Variants in OTUD4 observed in about 807,000 individuals in gnomAD.
The protein encoded by OTUD4 is OTU deubiquitinase 4.
In OTUD4, 24 loss-of-function variants were observed where a neutral mutation model predicts 130.4. The observed-to-expected ratio is 0.18, with a 90% CI of 0.13 to 0.26. The LOEUF (loss-of-function observed/expected upper bound fraction) is 0.26. OTUD4 is among the 10% of genes least tolerant of loss of function. The pLI, the probability that OTUD4 is intolerant of heterozygous loss-of-function variation, is 1.00. For missense variants in OTUD4, 1,031 were observed against 1,329.4 expected (o/e 0.78, Z 3.49); for synonymous variants, 420 against 472.5 (o/e 0.89, Z 1.44).
At chr4:145,166,811 C>T (rs1170260408) in intron 3 of OTUD4, among the ~76,000 whole-genome samples, 1 of 152,160 alleles carries the variant, frequency 6.6e-6, no homozygotes, top group Non-Finnish European at 1.5e-5. Flanking sequence ...TGCACTCCAG[C>T]CTGGGAGACA....
intron 1 of OTUD4, among the ~76,000 whole-genome samples, chr4:145,177,153 C>T (rs1752466821): frequency 1.3e-5 from 2 of 152,188 alleles, no homozygotes; most frequent in Admixed American, 6.5e-5. Flanking sequence ...AGGTATTACT[C>T]GTATGAATAA....
Position 145,155,420 on chromosome 4 carries a change from G to A in OTUD4, c.864C>T (p.Asp288=), listed in dbSNP as rs748046528. ...IAAGLQYEVG[D]KCQVRLDHNG... is the part of the protein sequence containing the mutation. ...TACATAAGTCACTTACTTGACATTTGTCTCCAACTTCATATTGTAAGCCAG... is the reference window on the plus strand; with the variant it reads ...TACATAAGTCACTTACTTGACATTTATCTCCAACTTCATATTGTAAGCCAG... The change falls in exon 10 of 21, where the codon GAC becomes GAT. Residue 288 remains aspartate, a synonymous_variant. Transcript: ENST00000447906. 5 of 1,607,998 alleles carry A rather than the reference G, an allele frequency of 3.1e-6. No individual in the cohort carries two copies. The highest frequency in any genetic ancestry group is 2.2e-5 in the East Asian group (1 of 44,740).
intron 14 of OTUD4, among the ~76,000 whole-genome samples, chr4:145,145,908 T>C (rs1243517539): frequency 6.6e-6 from 1 of 152,210 alleles, no homozygotes; most frequent in Non-Finnish European, 1.5e-5. Context: ...TCAAAAGGGC[T>C]TCCTGATTTT....
chr4:145,134,074 C>T lies in OTUD4; in HGVS notation c.*3356G>A, dbSNP rs915847863. On this transcript the variant is annotated 3_prime_UTR_variant, in exon 21 of 21. Coordinates refer to ENST00000447906, the MANE Select transcript of OTUD4 (RefSeq NM_001366057.1). ...GCTTCCCAGCATTAAGACATGCACC[C>T]ACCCCTCTTCTAAGATTTTCTAAAA... 6.6e-6 allele frequency: 1 copy of T among 152,610 alleles called. No individual in the cohort carries two copies. The highest frequency in any genetic ancestry group is 2.4e-5 in the African/African-American group (1 of 41,422). 9.5% of individuals were successfully genotyped at this position (152,610 alleles called of 1,614,324 possible).
intron 3 of OTUD4, among the ~76,000 whole-genome samples, chr4:145,167,139 T>G (rs1221268493): frequency 2.6e-5 from 4 of 152,162 alleles, no homozygotes; most frequent in Non-Finnish European, 4.4e-5. Context: ...ATTTTAAAAC[T>G]TTTACCGTAA....
In OTUD4 at chr4:145,139,943, G is replaced by T. The variant is rs1479796747; in HGVS notation, c.2124+8C>A. ...AAAATAACTTTTAAGATGATAAAAT[G>T]TAAATACCTTCACACCAAGATTGAA... is the stretch of plus-strand genomic sequence containing the variant. On this transcript the variant is annotated splice_region_variant and intron_variant, in intron 20 of 20. Coordinates refer to ENST00000447906, the MANE Select transcript of OTUD4 (RefSeq NM_001366057.1). 2 of 786,010 alleles carry T rather than the reference G, an allele frequency of 2.5e-6. No individual in the cohort carries two copies. The highest frequency in any genetic ancestry group is 4.0e-6 in the Non-Finnish European group (2 of 494,692). The allele number at this position is 786,010 out of a possible 1,614,324, so 48.7% of individuals were successfully genotyped here.
chr4:145,138,394 AGAG>A lies in OTUD4; in HGVS notation c.2378_2380del (p.Pro793del). 6.2e-7 allele frequency: 1 copy of A among 1,614,220 alleles called. No homozygotes were observed. The highest frequency in any genetic ancestry group is 8.5e-7 in the Non-Finnish European group (1 of 1,180,032). On this transcript the variant is annotated inframe_deletion, in exon 21 of 21. Transcript: ENST00000447906. Reference sequence around the variant, plus strand: ...AGACACCTGAGATGGAGGGATAACCAGAGGTGAAGAAAATGTCGGCGGTCCAAT... The same window carrying A: ...AGACACCTGAGATGGAGGGATAACCAGTGAAGAAAATGTCGGCGGTCCAAT...
In OTUD4 at chr4:145,137,899, C is replaced by T. The variant is rs370328878; in HGVS notation, c.2876G>A (p.Gly959Glu). The T allele has an allele frequency of 1.2e-6, 2 of 1,614,154 alleles. No individual in the cohort carries two copies. The highest frequency in any genetic ancestry group is 1.7e-6 in the Non-Finnish European group (2 of 1,180,040). Reference protein sequence around the residue: ...ALASIPPVAEGKAHPPTQILN... With the variant: ...ALASIPPVAEEKAHPPTQILN... ...AATCTGAGTGGGAGGATGAGCCTTT[C>T]CCTCTGCTACAGGAGGGATGGAAGC... The change falls in exon 21 of 21, where the codon GGA becomes GAA. Residue 959 changes from glycine to glutamate, a missense_variant. By Grantham distance (98) the Gly-to-Glu change is moderately conservative. Coordinates refer to ENST00000447906, the MANE Select transcript of OTUD4 (RefSeq NM_001366057.1).
chr4:145,164,346 A>G, intron 4 of OTUD4, 120 bp from the exon 5 acceptor site: 8 of 459,226 alleles, frequency 1.7e-5, no homozygotes. Context: ...CACTGGAGAT[A>G]CAAAAGACAA....
intron 1 of OTUD4, among the ~76,000 whole-genome samples, chr4:145,176,318 C>T (rs867346573): frequency 8.9e-4 from 135 of 151,740 alleles, no homozygotes; most frequent in African/African-American, 2.9e-3. Context: ...AACTCAGACA[C>T]ACTTAAAGTA....
rs941346218 is a variant in OTUD4, at chr4:145,134,390, A to G, written c.*3040T>C. 3.8e-6 allele frequency: 1 copy of G among 259,828 alleles called. No individual in the cohort carries two copies. Among genetic ancestry groups the G allele is most frequent in the African/African-American group, 2.2e-5 (1 of 45,552 alleles). The allele number at this position is 259,828 out of a possible 1,614,324, so 16.1% of individuals were successfully genotyped here. ...TTTACCTCATCTAAAAATGAAGGTAAAACGAAAGAGGCAAAAATAAATATT... is the reference window on the plus strand; with the variant it reads ...TTTACCTCATCTAAAAATGAAGGTAGAACGAAAGAGGCAAAAATAAATATT... On this transcript the variant is annotated 3_prime_UTR_variant, in exon 21 of 21. Coordinates refer to ENST00000447906, the MANE Select transcript of OTUD4 (RefSeq NM_001366057.1).
intron 3 of OTUD4, among the ~76,000 whole-genome samples, chr4:145,170,558 C>T (rs1200020055): frequency 3.3e-5 from 5 of 152,214 alleles, no homozygotes; most frequent in Non-Finnish European, 5.9e-5. Context: ...CCTCTTGTGA[C>T]AAATCTCCTT....
At chr4:145,154,793 G>T (rs1428306586) in intron 10 of OTUD4, among the ~76,000 whole-genome samples, 3 of 150,650 alleles carry the variant, frequency 2.0e-5, no homozygotes, top group Non-Finnish European at 1.5e-5. Flanking sequence ...CCTCCCAGTT[G>T]TGAGAATAAA....
chr4:145,134,743 T>TG lies in OTUD4; in HGVS notation c.*2686dup. 5.0e-6 allele frequency: 2 copies of TG among 398,874 alleles called. No homozygotes were observed. The highest frequency in any genetic ancestry group is 8.8e-6 in the Non-Finnish European group (2 of 226,006). The allele number at this position is 398,874 out of a possible 1,614,324, so 24.7% of individuals were successfully genotyped here. On this transcript the variant is annotated 3_prime_UTR_variant, in exon 21 of 21. Transcript: ENST00000447906. The stretch of plus-strand genomic sequence containing the variant: ...TGCCAAGGAGACATGGGGCAAGAGT[T>TG]GAAGATTTGAGAGGAAATGAAGAGA...
chr4:145,146,402 ATCC>A lies in OTUD4; in HGVS notation c.1284_1286del (p.Glu428del), dbSNP rs773439735. 1 of 1,571,318 alleles carries A rather than the reference ATCC, an allele frequency of 6.4e-7. No individual in the cohort carries two copies. Among genetic ancestry groups the A allele is most frequent in the South Asian group, 1.2e-5 (1 of 81,436 alleles). On this transcript the variant is annotated inframe_deletion, in exon 14 of 21. Coordinates refer to ENST00000447906, the MANE Select transcript of OTUD4 (RefSeq NM_001366057.1). ...TAGATTCTCGACTTGTGTGATCAAA[ATCC>A]TCAACTCTTTCACGATCAGGTTTTC...
intron 20 of OTUD4, 33 bp from the exon 21 acceptor site, chr4:145,138,683 A>G: frequency 6.4e-7 from 1 of 1,557,718 alleles, no homozygotes. Flanking sequence ...AATAAACAAA[A>G]GAGGAGAAAA....
rs1454149012 is a variant in OTUD4 at position 145,134,104 on chromosome 4, T to C, written c.*3326A>G. 1 of 152,648 alleles carries C rather than the reference T, an allele frequency of 6.6e-6. No homozygotes were observed. The highest frequency in any genetic ancestry group is 2.4e-5 in the African/African-American group (1 of 41,456). 9.5% of individuals were successfully genotyped at this position (152,648 alleles called of 1,614,324 possible). A position where few individuals can be genotyped will look rare whatever the true frequency, so the allele number is the denominator to read the frequency against. ...CTCTTCTAAGATTTTCTAAAACTTG[T>C]ATTTCGGGGAGAAAGACCTCTTTTA... is the stretch of plus-strand genomic sequence containing the variant. On this transcript the variant is annotated 3_prime_UTR_variant, in exon 21 of 21. Transcript: ENST00000447906.
chr4:145,172,829 T>C (rs914262352), intron 2 of OTUD4, among the ~76,000 whole-genome samples: 4 of 151,934 alleles, frequency 2.6e-5, no homozygotes, highest in Non-Finnish European at 4.4e-5. Flanking sequence ...TAGATGATTA[T>C]AGGTCTAAGG....
chr4:145,148,520 G>T (rs1424329416), intron 13 of OTUD4, among the ~76,000 whole-genome samples: 2 of 151,298 alleles, frequency 1.3e-5, no homozygotes, highest in Admixed American at 1.3e-4. Context: ...AAAAACTGTT[G>T]ATTAAAAGTA....
Sources: gnomAD v4.1 joint callset for allele counts (sites outside exome capture counted in the v4.1 genomes callset) on GRCh38, gnomAD v4.1.1 for gene constraint, MANE v1.5 for transcripts, NCBI Gene and HGNC (gene_info 2026-07-23, HGNC 2026-07-21) for gene names.